The following KCNIP4 variants were observed in gnomAD, a reference collection of about 807,000 sequenced individuals.
KCNIP4 encodes Kv channel-interacting protein 4.
A neutral mutation model predicts 34.0 loss-of-function variants in KCNIP4; 12 were observed. That is an observed-to-expected ratio of 0.35 (90% CI 0.23 to 0.57). The LOEUF is 0.57. Among genes scored for constraint, KCNIP4 ranks in the 20% least tolerant of loss-of-function variants. The probability of loss-of-function intolerance (pLI) is 0.83; values close to 1 mark genes in which losing one functional copy is unlikely to be tolerated. For missense variants in KCNIP4, 238 were observed against 311.7 expected, an observed-to-expected ratio of 0.76 and a Z score of 1.78; for synonymous variants, 124 against 102.2, an observed-to-expected ratio of 1.21 and a Z score of -1.29.
intron 1 of KCNIP4, among the ~76,000 whole-genome samples, chr4:20,962,900 C>T (rs1346363477): frequency 6.6e-6 from 1 of 152,208 alleles, no homozygotes; most frequent in Non-Finnish European, 1.5e-5. Context: ...AAAGTATAAA[C>T]ATCTAGTTAG....
chr4:20,818,918 C>G (rs934391963), intron 3 of KCNIP4, among the ~76,000 whole-genome samples: 7 of 134,960 alleles, frequency 5.2e-5, no homozygotes, highest in African/African-American at 2.0e-4. Flanking sequence ...TATATATTAT[C>G]TCTTTTTTTT....
At chr4:21,671,609 T>C (rs1016704243) in intron 1 of KCNIP4, among the ~76,000 whole-genome samples, 1 of 152,194 alleles carries the variant, frequency 6.6e-6, no homozygotes. Flanking sequence ...GGCTATATAC[T>C]TCATCATTTT....
intron 1 of KCNIP4, among the ~76,000 whole-genome samples, chr4:21,491,056 A>T (rs969019330): frequency 6.6e-6 from 1 of 152,102 alleles, no homozygotes; most frequent in African/African-American, 2.4e-5. Flanking sequence ...TATTTTTTTT[A>T]AATGCATGAT....
intron 1 of KCNIP4, among the ~76,000 whole-genome samples, chr4:21,095,254 G>C (rs1280329696): frequency 6.6e-6 from 1 of 152,190 alleles, no homozygotes; most frequent in African/African-American, 2.4e-5. Flanking sequence ...GAGCAAGCTG[G>C]TTTGGGATTA....
intron 1 of KCNIP4, among the ~76,000 whole-genome samples, chr4:21,481,163 T>G (rs1477168006): frequency 6.6e-6 from 1 of 152,182 alleles, no homozygotes; most frequent in African/African-American, 2.4e-5. Context: ...CAAGAAAAAC[T>G]GGCTATTCAA....
chr4:20,747,996 C>A (rs1752725801), intron 5 of KCNIP4, among the ~76,000 whole-genome samples: 1 of 152,130 alleles, frequency 6.6e-6, no homozygotes, highest in African/African-American at 2.4e-5. Context: ...TTGTTTCATG[C>A]TTCACCTCCA....
chr4:20,817,890 G>C (rs1348190791), intron 3 of KCNIP4, among the ~76,000 whole-genome samples: 1 of 152,158 alleles, frequency 6.6e-6, no homozygotes, highest in Non-Finnish European at 1.5e-5. Context: ...AACTTCTTGA[G>C]CGTAGAGTAT....
At chr4:21,058,419 C>T (rs1743614519) in intron 1 of KCNIP4, among the ~76,000 whole-genome samples, 1 of 148,380 alleles carries the variant, frequency 6.7e-6, no homozygotes, top group African/African-American at 2.6e-5. Context: ...TCACTGAGAG[C>T]TCATTGTCCA....
chr4:21,767,784 T>G (rs115719891), intron 1 of KCNIP4, among the ~76,000 whole-genome samples: 22,436 of 151,940 alleles, frequency 0.15, 5,569 homozygotes, highest in African/African-American at 0.51. Flanking sequence ...ACATACACAC[T>G]ACTACCTGAA....
chr4:21,704,890 T>A (rs1264843447), intron 1 of KCNIP4, among the ~76,000 whole-genome samples: 2 of 152,134 alleles, frequency 1.3e-5, no homozygotes, highest in African/African-American at 4.8e-5. Context: ...AATAAAAATT[T>A]ATTTTCACAC....
At chr4:21,128,968 G>T (rs1190328643) in intron 1 of KCNIP4, among the ~76,000 whole-genome samples, 1 of 152,158 alleles carries the variant, frequency 6.6e-6, no homozygotes, top group African/African-American at 2.4e-5. Flanking sequence ...TTGACGGACA[G>T]ATTAAATAAG....
At chr4:21,568,245 T>A (rs1198538219) in intron 1 of KCNIP4, among the ~76,000 whole-genome samples, 1 of 152,144 alleles carries the variant, frequency 6.6e-6, no homozygotes, top group Non-Finnish European at 1.5e-5. Context: ...GAAAATAAGA[T>A]CATTGCAAAA....
intron 1 of KCNIP4, among the ~76,000 whole-genome samples, chr4:21,835,554 A>G (rs564824329): frequency 3.3e-5 from 5 of 149,960 alleles, no homozygotes; most frequent in Non-Finnish European, 5.9e-5. Flanking sequence ...CAACTTTAGA[A>G]AAGTTTTTCC....
At chr4:20,894,819 T>G (rs1726325596) in intron 1 of KCNIP4, among the ~76,000 whole-genome samples, 1 of 152,160 alleles carries the variant, frequency 6.6e-6, no homozygotes, top group Non-Finnish European at 1.5e-5. Flanking sequence ...TCCTCTAAAT[T>G]TCATCTTGAA....
chr4:21,645,732 C>T (rs778984098), intron 1 of KCNIP4, among the ~76,000 whole-genome samples: 3 of 152,070 alleles, frequency 2.0e-5, no homozygotes, highest in Admixed American at 6.6e-5. Context: ...GTCTGGGATG[C>T]GCTGCTCAGA....
At chr4:21,111,275 T>C (rs758631137) in intron 1 of KCNIP4, among the ~76,000 whole-genome samples, 7 of 147,452 alleles carry the variant, frequency 4.7e-5, no homozygotes, top group Non-Finnish European at 8.9e-5. Flanking sequence ...GAGTTTCAAA[T>C]GGCACAGGCT....
At chr4:21,566,669 T>A (rs1041927814) in intron 1 of KCNIP4, among the ~76,000 whole-genome samples, 15 of 152,096 alleles carry the variant, frequency 9.9e-5, no homozygotes, top group African/African-American at 3.4e-4. Flanking sequence ...GAGAACAGAC[T>A]AATACACTTA....
chr4:20,987,042 A>G (rs1395747653), intron 1 of KCNIP4, among the ~76,000 whole-genome samples: 2 of 152,148 alleles, frequency 1.3e-5, no homozygotes, highest in African/African-American at 4.8e-5. Context: ...TGACAGCACC[A>G]TAAGAGGAGT....
At chr4:20,946,097 A>G (rs923467272) in intron 1 of KCNIP4, among the ~76,000 whole-genome samples, 2 of 152,152 alleles carry the variant, frequency 1.3e-5, no homozygotes, top group African/African-American at 4.8e-5. Context: ...GGTCATGAAC[A>G]AGACCAGCAA....
Sources: gnomAD v4.1 joint callset for allele counts (sites outside exome capture counted in the v4.1 genomes callset) on GRCh38, gnomAD v4.1.1 for gene constraint, MANE v1.5 for transcripts, NCBI Gene and HGNC (gene_info 2026-07-23, HGNC 2026-07-21) for gene names.